The following NOTCH4 variants were observed in gnomAD, a reference collection of about 807,000 sequenced individuals.
The protein encoded by NOTCH4 is neurogenic locus notch homolog protein 4.
Under a neutral mutation model 189.0 loss-of-function variants are expected in NOTCH4, and 138 were observed. That is an observed-to-expected ratio of 0.73 (90% CI 0.64 to 0.84). The LOEUF is 0.84. Among genes scored for constraint, NOTCH4 ranks in the 40% least tolerant of loss-of-function variants. NOTCH4 has a pLI of 0.00. For synonymous variants in NOTCH4, 942 were observed against 1,032.8 expected, an observed-to-expected ratio of 0.91 and a Z score of 1.69; for missense variants, 2,286 against 2,605.4, an observed-to-expected ratio of 0.88 and a Z score of 2.67.
intron 11 of NOTCH4, 143 bp downstream of exon 11, chr6:32,216,802 G>A (rs1789437773): frequency 9.5e-7 from 1 of 1,055,054 alleles, no homozygotes; most frequent in Admixed American, 1.8e-5. Flanking sequence ...CAATTGTGCA[G>A]GTTTTACACT....
intron 12 of NOTCH4, 100 bp downstream of exon 12, chr6:32,215,126 G>A (rs1187199947): frequency 3.7e-5 from 42 of 1,137,864 alleles, no homozygotes; most frequent in Non-Finnish European, 5.0e-5. Flanking sequence ...TTCCCCATTG[G>A]TCATTTCTCA....
In NOTCH4 at chr6:32,202,605, G is replaced by A. The variant is rs867972858; in HGVS notation, c.3232-6C>T. The A allele has an allele frequency of 1.9e-6, 3 of 1,559,316 alleles. No homozygotes were observed. The highest frequency in any genetic ancestry group is 4.2e-4 in the Middle Eastern group (2 of 4,810). On this transcript the variant is annotated splice_region_variant and splice_polypyrimidine_tract_variant and intron_variant, in intron 20 of 29. Transcript: ENST00000375023. This position sits in a 1 kb window ranked among gnomAD's most constrained non-coding sequence, Gnocchi z 5.7. ...CAGGTGGGGCCTTCAAAACCCTGTG[G>A]AGGGGAGGGGAGATATTGGAGATGC...
chr6:32,202,510 C>G lies in NOTCH4; in HGVS notation c.3321G>C (p.Lys1107Asn), dbSNP rs2127467607. The change falls in exon 21 of 30, where the codon AAG becomes AAC. Residue 1107 changes from lysine (K) to asparagine (N), a missense_variant. Coordinates refer to ENST00000375023, the MANE Select transcript of NOTCH4 (RefSeq NM_004557.4). This position sits in a 1 kb window ranked among gnomAD's most constrained non-coding sequence, Gnocchi z 5.7. Reference protein sequence around the residue: ...HHGGLCLPSPKPGFPPRCACL... With the variant: ...HHGGLCLPSPNPGFPPRCACL... ...AGGCACAGCGTGGTGGGAAGCCTGG[C>G]TTAGGGGAGGGCAGACACAGGCCTC... The G allele has an allele frequency of 6.2e-7, 1 of 1,612,380 alleles. No homozygotes were observed. Among genetic ancestry groups the G allele is most frequent in the Non-Finnish European group, 8.5e-7 (1 of 1,179,550 alleles).
intron 7 of NOTCH4, 87 bp from the exon 8 acceptor site, chr6:32,219,873 G>T: frequency 8.6e-7 from 1 of 1,161,598 alleles, no homozygotes; most frequent in Non-Finnish European, 1.2e-6. Flanking sequence ...GTGGGGGCCT[G>T]CGTGTGGCAG....
chr6:32,201,671 T>C lies in NOTCH4; in HGVS notation c.3756-171A>G. 1 of 520,690 alleles carries C rather than the reference T, an allele frequency of 1.9e-6. No individual in the cohort carries two copies. Among genetic ancestry groups the C allele is most frequent in the Non-Finnish European group, 3.1e-6 (1 of 319,012 alleles). The allele number at this position is 520,690 out of a possible 1,614,324, so 32.3% of individuals were successfully genotyped here. On this transcript the variant is annotated intron_variant, in intron 21 of 29. Transcript: ENST00000375023. This position sits in a 1 kb window ranked among gnomAD's most constrained non-coding sequence, Gnocchi z 5.5. ...CTGGATGGTAGTCCAGACACCCCAA[T>C]GTCTGCTAACACCCCTGTCTCCCTA...
In NOTCH4 at chr6:32,217,338, T is replaced by A. The variant is rs1191839525; in HGVS notation, c.1625-72A>T. The A allele has an allele frequency of 2.1e-6, 2 of 972,344 alleles. No homozygotes were observed. The highest frequency in any genetic ancestry group is 3.2e-6 in the Non-Finnish European group (2 of 619,190). 60.2% of individuals were successfully genotyped at this position (972,344 alleles called of 1,614,324 possible). A position where few individuals can be genotyped will look rare whatever the true frequency, so the allele number is the denominator to read the frequency against. On this transcript the variant is annotated intron_variant, in intron 9 of 29. Transcript: ENST00000375023. This position sits in a 1 kb window ranked among gnomAD's most constrained non-coding sequence, Gnocchi z 4.2. ...GGAGGCACAGCATGGCGCCTTCCCT[T>A]GCCAGGAAAGGTGAACTTGCAGAGC...
rs1171730202 is a variant in NOTCH4, at chr6:32,199,678, T to A, written c.4316-533A>T. Reference sequence around the variant, plus strand: ...GAGATCGCGCCACTGCACTCCGGCCTGGGCGACAAGGCAAGACTCTGTCTC... The same window carrying A: ...GAGATCGCGCCACTGCACTCCGGCCAGGGCGACAAGGCAAGACTCTGTCTC... On this transcript the variant is annotated intron_variant, in intron 23 of 29. Transcript: ENST00000375023. This position sits in a 1 kb window ranked among gnomAD's most constrained non-coding sequence, Gnocchi z 4.9. 6.6e-6 allele frequency among the ~76,000 whole-genome samples: 1 copy of A among 150,674 alleles called. No individual in the cohort carries two copies. The highest frequency in any genetic ancestry group is 1.5e-5 in the Non-Finnish European group (1 of 67,876).
rs537537403 is a variant in NOTCH4 at position 32,195,423 on chromosome 6, T to G, written c.*14A>C. On this transcript the variant is annotated 3_prime_UTR_variant, in exon 30 of 30. Coordinates refer to ENST00000375023, the MANE Select transcript of NOTCH4 (RefSeq NM_004557.4). The surrounding 1 kb of genome is among the most constrained non-coding windows in gnomAD (Gnocchi z 5.4). ...GGTAATCATTTTTGGAATTCCTCCC[T>G]ACCATGTATTCTTCTATTTTTTACC... is the stretch of plus-strand genomic sequence containing the variant. 7 of 1,554,540 alleles carry G rather than the reference T, an allele frequency of 4.5e-6. No homozygotes were observed. The African/African-American group carries it at 9.6e-5, about 21-fold the overall frequency.
Position 32,215,381 on chromosome 6 carries a change from C to G in NOTCH4, c.1866G>C (p.Gln622His). 6.2e-7 allele frequency: 1 copy of G among 1,608,412 alleles called. No individual in the cohort carries two copies. Among genetic ancestry groups the G allele is most frequent in the Non-Finnish European group, 8.5e-7 (1 of 1,178,298 alleles). ...FCLCPSGFTG[Q>H]LCEVPLCAPN... is the part of the protein sequence containing the mutation. ...GAGCACACAGGGGAACCTCACAGAG[C>G]TGGCCTGGGGTGGGAAGATGGGTCA... The change falls in exon 12 of 30, where the codon CAG (glutamine) becomes CAC (histidine). Residue 622 changes from glutamine (Q) to histidine (H), a missense_variant. By Grantham distance (24) the Gln-to-His change is conservative. Transcript: ENST00000375023.
chr6:32,211,620 A>C (rs893802973), intron 17 of NOTCH4, among the ~76,000 whole-genome samples: 1 of 151,102 alleles, frequency 6.6e-6, no homozygotes, highest in Non-Finnish European at 1.5e-5. Context: ...TAAATAAATA[A>C]ATAAATAAAT....
At position 32,222,812 on chromosome 6, in the gene NOTCH4, CA is replaced by C. The variant is rs781629756; in HGVS notation, c.156-7del. 3 of 1,607,984 alleles carry C rather than the reference CA, an allele frequency of 1.9e-6. No homozygotes were observed. The highest frequency in any genetic ancestry group is 4.5e-5 in the East Asian group (2 of 44,878). On this transcript the variant is annotated splice_region_variant and splice_polypyrimidine_tract_variant and intron_variant, in intron 2 of 29. Transcript: ENST00000375023. ...CCAGGAAGCCAGGGGCACACCTGGG[CA>C]GGGGAGGAGAGGAAAACTCACATCA...
Position 32,199,685 on chromosome 6 carries a change from C to T in NOTCH4, c.4316-540G>A, listed in dbSNP as rs932469407. ...CGCCACTGCACTCCGGCCTGGGCGA[C>T]AAGGCAAGACTCTGTCTCAAACAAA... On this transcript the variant is annotated intron_variant, in intron 23 of 29. Coordinates refer to ENST00000375023, the MANE Select transcript of NOTCH4 (RefSeq NM_004557.4). The surrounding 1 kb of genome is among the most constrained non-coding windows in gnomAD (Gnocchi z 4.9). Among the ~76,000 whole-genome samples the T allele has an allele frequency of 2.0e-5, 3 of 147,490 alleles. No homozygotes were observed. In the Admixed American group the frequency reaches 2.1e-4, roughly 10 times the overall value.
rs569734537 is a variant in NOTCH4 at position 32,200,584 on chromosome 6, C to T, written c.4315+247G>A. 4.2e-4 allele frequency among the ~76,000 whole-genome samples: 64 copies of T among 152,284 alleles called. No individual in the cohort carries two copies. In the South Asian group the frequency reaches 5.4e-3, roughly 13 times the overall value. On this transcript the variant is annotated intron_variant, in intron 23 of 29. Transcript: ENST00000375023. This position sits in a 1 kb window ranked among gnomAD's most constrained non-coding sequence, Gnocchi z 5.0. Reference sequence around the variant, plus strand: ...TTCTCAGTCTGGTAGAGAAGATAAACCATCCCTTTGTTGGAGGGCTATGAC... The same window carrying T: ...TTCTCAGTCTGGTAGAGAAGATAAATCATCCCTTTGTTGGAGGGCTATGAC...
In NOTCH4 at chr6:32,198,283, G is replaced by C; in HGVS notation, c.4756+138C>G. 1 of 921,872 alleles carries C rather than the reference G, an allele frequency of 1.1e-6. No individual in the cohort carries two copies. The highest frequency in any genetic ancestry group is 1.6e-6 in the Non-Finnish European group (1 of 625,020). 57.1% of individuals were successfully genotyped at this position (921,872 alleles called of 1,614,324 possible). On this transcript the variant is annotated intron_variant, in intron 26 of 29. Coordinates refer to ENST00000375023, the MANE Select transcript of NOTCH4 (RefSeq NM_004557.4). The surrounding 1 kb of genome is among the most constrained non-coding windows in gnomAD (Gnocchi z 5.5). ...GGTGATGCTGATTTTGCTGTCTGAG[G>C]ACCACACTTTGAGAATCATTGTTCT...
At chr6:32,211,293 C>T (rs1157344673) in intron 17 of NOTCH4, among the ~76,000 whole-genome samples, 4 of 133,098 alleles carry the variant, frequency 3.0e-5, no homozygotes, top group Admixed American at 7.7e-5. Flanking sequence ...CAAACAGAAA[C>T]GGTAAATGGG....
At position 32,223,911 on chromosome 6, in the gene NOTCH4, C is replaced by CAGCAGCAGCAGT. The variant is rs1198494806; in HGVS notation, c.17_18insACTGCTGCTGCT (p.Leu13_Leu16dup). 1.9e-6 allele frequency: 3 copies of CAGCAGCAGCAGT among 1,590,514 alleles called. No homozygotes were observed. Among genetic ancestry groups the CAGCAGCAGCAGT allele is most frequent in the Non-Finnish European group, 2.6e-6 (3 of 1,174,856 alleles). On this transcript the variant is annotated inframe_insertion, in exon 1 of 30. Coordinates refer to ENST00000375023, the MANE Select transcript of NOTCH4 (RefSeq NM_004557.4). ...GCAGCAGCAGCAGCAGCAGCAGCAG[C>CAGCAGCAGCAGT]AGTGAAGGGGGCTGCATTCCACAGC...
intron 18 of NOTCH4, among the ~76,000 whole-genome samples, chr6:32,204,976 G>A (rs1159883581): frequency 6.6e-6 from 1 of 152,168 alleles, no homozygotes; most frequent in Non-Finnish European, 1.5e-5. Context: ...AATAGCTATA[G>A]GTGGCAGAGC....
Position 32,212,891 on chromosome 6 carries a change from G to T in NOTCH4, c.2459C>A (p.Thr820Asn). 1 of 1,559,154 alleles carries T rather than the reference G, an allele frequency of 6.4e-7. No individual in the cohort carries two copies. The highest frequency in any genetic ancestry group is 8.7e-7 in the Non-Finnish European group (1 of 1,151,148). The part of the protein sequence containing the change: ...CADSPCRNRA[T>N]CQDSPQGPRC... ...GGGACCCTGAGGGCTGTCCTGGCAG[G>T]TTGCCCTATTCCTACAGGGGCTGAA... Residue 820 changes from threonine to asparagine, a missense_variant, in exon 16 of 30, where the codon ACC (threonine) becomes AAC (asparagine). This residue lies in a region of NOTCH4 where 1,903 missense variants were observed against 2,261.9 expected (regional missense o/e 0.84). Coordinates refer to ENST00000375023, the MANE Select transcript of NOTCH4 (RefSeq NM_004557.4). The surrounding 1 kb of genome is among the most constrained non-coding windows in gnomAD (Gnocchi z 4.4).
chr6:32,220,694 G>C, intron 5 of NOTCH4, 53 bp from the exon 6 acceptor site: 1 of 1,612,600 alleles, frequency 6.2e-7, no homozygotes, highest in Non-Finnish European at 8.5e-7. Context: ...CCTATGAGTA[G>C]GGGAGGCCAG....
Sources: gnomAD v4.1 joint callset for allele counts (sites outside exome capture counted in the v4.1 genomes callset) on GRCh38, gnomAD v4.1.1 for gene constraint, gnomAD v4.1.1 regional missense constraint, Gnocchi (gnomAD v3.1) non-coding constraint, MANE v1.5 for transcripts, NCBI Gene and HGNC (gene_info 2026-07-23, HGNC 2026-07-21) for gene names.